The following TMEM114 variants were observed in gnomAD, a reference collection of about 807,000 sequenced individuals.
TMEM114 encodes the protein transmembrane protein 114.
In TMEM114, 6 loss-of-function variants were observed where a neutral mutation model predicts 6.2. The ratio of observed to expected loss-of-function variants is 0.97; its 90% CI spans 0.53 to 1.91. TMEM114 has a LOEUF of 1.91. TMEM114 is among the 40% of genes most tolerant of loss of function. TMEM114 has a pLI of 0.01. For synonymous variants in TMEM114, 104 were observed against 73.0 expected (o/e 1.42, Z -2.16); for missense variants, 218 against 158.3 (o/e 1.38, Z -2.02).
rs75530495 is a variant in TMEM114, at chr16:8,544,232, C to G, written n.213-6406G>C. 2.3e-4 allele frequency among the ~76,000 whole-genome samples: 35 copies of G among 152,286 alleles called. 1 individual carries two copies. The East Asian group carries it at 6.0e-3, about 26-fold the overall frequency. On this transcript the variant is annotated intron_variant and non_coding_transcript_variant, in intron 2 of 2. Transcript: ENST00000623677. ...AAGCCCTCTCATGCTGGCTTTATGT[C>G]TTGCTTAACAGATAAGCACAGCTTT... is the stretch of plus-strand genomic sequence containing the variant.
intron 2 of TMEM114, among the ~76,000 whole-genome samples, chr16:8,552,211 CA>C (rs35740277): frequency 0.039 from 5,071 of 128,900 alleles, 202 homozygotes; most frequent in African/African-American, 0.11. Flanking sequence ...CCTATCTCTG[CA>C]AAAAAAAAAA....
intron 2 of TMEM114, among the ~76,000 whole-genome samples, chr16:8,557,800 A>C (rs1430080095): frequency 6.6e-6 from 1 of 152,234 alleles, no homozygotes; most frequent in African/African-American, 2.4e-5. Context: ...CGCCATCATC[A>C]TCTGGTAACG....
At chr16:8,586,874 G>A (rs1902338904) in intron 2 of TMEM114, among the ~76,000 whole-genome samples, 1 of 152,088 alleles carries the variant, frequency 6.6e-6, no homozygotes, top group East Asian at 1.9e-4. Context: ...TGCAGTTTGG[G>A]GCTCAGAACA....
At chr16:8,572,969 T>C (rs1295208860) in intron 2 of TMEM114, among the ~76,000 whole-genome samples, 1 of 152,226 alleles carries the variant, frequency 6.6e-6, no homozygotes, top group Non-Finnish European at 1.5e-5. Context: ...GAAGTTATCC[T>C]TCTCCCAAGG....
intron 2 of TMEM114, among the ~76,000 whole-genome samples, chr16:8,541,070 C>T (rs904016583): frequency 6.6e-5 from 10 of 152,108 alleles, no homozygotes; most frequent in African/African-American, 1.9e-4. Context: ...CAGCCCCATG[C>T]AGGGTCTAAT....
chr16:8,551,137 C>T (rs145155368), intron 2 of TMEM114, among the ~76,000 whole-genome samples: 2 of 152,218 alleles, frequency 1.3e-5, no homozygotes, highest in Non-Finnish European at 2.9e-5. Context: ...ATTTTTTTCT[C>T]CAAAGAAAGG....
intron 2 of TMEM114, among the ~76,000 whole-genome samples, chr16:8,542,892 G>A (rs1224035042): frequency 1.3e-5 from 2 of 152,136 alleles, no homozygotes; most frequent in Non-Finnish European, 2.9e-5. Context: ...ATGCCAGAAT[G>A]TATGGAGATT....
chr16:8,561,876 G>GGGAA (rs1454468877), intron 2 of TMEM114, among the ~76,000 whole-genome samples: 153 of 86,478 alleles, frequency 1.8e-3, no homozygotes, highest in African/African-American at 6.7e-3. Context: ...GAATGAGTGA[G>GGGAA]TGAATGAGTG....
chr16:8,554,408 T>C (rs189916458), intron 2 of TMEM114, among the ~76,000 whole-genome samples: 1 of 151,700 alleles, frequency 6.6e-6, no homozygotes, highest in Non-Finnish European at 1.5e-5. Context: ...ATAATAATAA[T>C]AATAATAATA....
rs1454442851 is a variant in TMEM114 at position 8,563,725 on chromosome 16, GTCAGTGAGTGAATGAA to G, written n.212+25472_212+25487del. On this transcript the variant is annotated intron_variant and non_coding_transcript_variant, in intron 2 of 2. Coordinates refer to the TMEM114 transcript ENST00000623677. Reference sequence around the variant, plus strand: ...AGTGAATGAGTGAGTGAGTGAATGAGTCAGTGAGTGAATGAATGAGTCAGTGAATAAGTGAGGGAAT... The same window carrying G: ...AGTGAATGAGTGAGTGAGTGAATGAGTGAGTCAGTGAATAAGTGAGGGAAT... Among the ~76,000 whole-genome samples the G allele has an allele frequency of 9.3e-5, 14 of 149,832 alleles. 1 individual carries two copies. The highest frequency in any genetic ancestry group is 3.5e-4 in the African/African-American group (14 of 39,710).
intron 2 of TMEM114, among the ~76,000 whole-genome samples, chr16:8,585,791 G>A (rs751681839): frequency 3.9e-5 from 6 of 152,114 alleles, no homozygotes; most frequent in Non-Finnish European, 8.8e-5. Context: ...TAAATACACT[G>A]TCCTGTTTTA....
At chr16:8,529,017 A>G in the TMEM114 span, among the ~76,000 whole-genome samples, 1 of 152,156 alleles carries the variant, frequency 6.6e-6, no homozygotes, top group African/African-American at 2.4e-5. Context: ...ATTGACTTTG[A>G]AGGTCCTTCC....
chr16:8,535,608 T>G (rs776372808), downstream of TMEM114, among the ~76,000 whole-genome samples: 1 of 152,220 alleles, frequency 6.6e-6, no homozygotes, highest in Admixed American at 6.5e-5. Flanking sequence ...ATATCATTTG[T>G]CAAGGAAAAA....
At chr16:8,540,709 C>G (rs752903764) in intron 2 of TMEM114, among the ~76,000 whole-genome samples, 8 of 152,226 alleles carry the variant, frequency 5.3e-5, no homozygotes, top group African/African-American at 1.9e-4. Flanking sequence ...CAAAGACAGA[C>G]ATAGTTCCTA....
intron 2 of TMEM114, among the ~76,000 whole-genome samples, chr16:8,558,701 G>T (rs969964702): frequency 6.6e-6 from 1 of 151,336 alleles, no homozygotes; most frequent in African/African-American, 2.4e-5. Flanking sequence ...GGGCCCCATT[G>T]ACAGAAGGTG....
chr16:8,569,738 G>A lies in TMEM114; in HGVS notation c.*35C>T. On this transcript the variant is annotated 3_prime_UTR_variant, in exon 4 of 4. Transcript: ENST00000620492. ...TCGGTCGGTGAAGCTCCGGGGCCAAGCCCCTCCCTCCCCTCCACGACCCAG... is the reference window on the plus strand; with the variant it reads ...TCGGTCGGTGAAGCTCCGGGGCCAAACCCCTCCCTCCCCTCCACGACCCAG... The A allele has an allele frequency of 6.6e-7, 1 of 1,523,348 alleles. No individual in the cohort carries two copies. Among genetic ancestry groups the A allele is most frequent in the Non-Finnish European group, 8.9e-7 (1 of 1,129,346 alleles). The allele number at this position is 1,523,348 out of a possible 1,614,324, so 94.4% of individuals were successfully genotyped here.
downstream of TMEM114, among the ~76,000 whole-genome samples, chr16:8,532,693 G>A (rs1457356363): frequency 6.6e-6 from 1 of 152,168 alleles, no homozygotes; most frequent in Non-Finnish European, 1.5e-5. Flanking sequence ...GGGAGGCCGA[G>A]GCGGGCGACT....
rs569218416 is a variant in TMEM114, at chr16:8,538,125, T to C, written n.213-299A>G. Among the ~76,000 whole-genome samples, 6 of 92,378 alleles carry C rather than the reference T, an allele frequency of 6.5e-5. No homozygotes were observed. In the South Asian group the frequency reaches 1.4e-3, roughly 21 times the overall value. The allele number at this position is 92,378 out of a possible 152,430, so 60.6% of individuals were successfully genotyped here. A position where few individuals can be genotyped will look rare whatever the true frequency, so the allele number is the denominator to read the frequency against. On this transcript the variant is annotated intron_variant and non_coding_transcript_variant, in intron 2 of 2. Coordinates refer to the TMEM114 transcript ENST00000623677. Reference sequence around the variant, plus strand: ...ACCAGCCTGGACAGCATGGTGTGACTGTCTCTACAAAAAAAAAAAAAAAAA... The same window carrying C: ...ACCAGCCTGGACAGCATGGTGTGACCGTCTCTACAAAAAAAAAAAAAAAAA...
At chr16:8,540,718 T>C (rs1301497881) in intron 2 of TMEM114, among the ~76,000 whole-genome samples, 1 of 152,244 alleles carries the variant, frequency 6.6e-6, no homozygotes, top group Non-Finnish European at 1.5e-5. Flanking sequence ...ACATAGTTCC[T>C]ATCTTCTTGG....
Sources: allele counts gnomAD v4.1 joint callset (sites outside exome capture counted in the v4.1 genomes callset), GRCh38; gene constraint gnomAD v4.1.1; transcripts MANE v1.5; gene names NCBI Gene and HGNC (gene_info 2026-07-23, HGNC 2026-07-21).